The following ELF2 variants were observed in gnomAD, a reference collection of about 807,000 sequenced individuals.
ELF2 encodes the protein ETS-related transcription factor Elf-2.
A neutral mutation model predicts 54.8 loss-of-function variants in ELF2; 11 were observed. The ratio of observed to expected loss-of-function variants is 0.20; its 90% CI spans 0.13 to 0.33. ELF2 has a LOEUF of 0.33. ELF2 is among the 10% of genes least tolerant of loss of function. The pLI is 1.00. For missense variants in ELF2, 513 were observed against 703.0 expected (o/e 0.73, Z 3.06); for synonymous variants, 203 against 245.1 (o/e 0.83, Z 1.61).
chr4:139,104,733 A>G (rs1173799992), intron 4 of ELF2, among the ~76,000 whole-genome samples: 1 of 152,202 alleles, frequency 6.6e-6, no homozygotes. Flanking sequence ...AAAATTAAAA[A>G]TAATGAGATT....
chr4:139,060,427 C>T lies in ELF2; in HGVS notation c.1054G>A (p.Glu352Lys). 1.9e-6 allele frequency: 3 copies of T among 1,614,228 alleles called. No homozygotes were observed. The South Asian group carries it at 3.3e-5, about 18-fold the overall frequency. The change falls in exon 9 of 10, where the codon GAG (glutamate) becomes AAG (lysine). Residue 352 changes from glutamate (E) to lysine (K), a missense_variant. By Grantham distance (56) the Glu-to-Lys change is moderately conservative. This residue lies in a region of ELF2 where 291 missense variants were observed against 366.1 expected (regional missense o/e 0.79). Coordinates refer to ENST00000686138, the MANE Select transcript of ELF2 (RefSeq NM_001331036.3). ...NSSPINCSRA[E>K]KGVARVVNIT... The stretch of plus-strand genomic sequence containing the variant: ...TTCACAACTCTAGCTACACCCTTCT[C>T]TGCTCTGGAGCAGTTTATAGGGGAT...
At chr4:139,060,195 G>A in intron 9 of ELF2, 129 bp downstream of exon 9, 1 of 802,798 alleles carries the variant, frequency 1.2e-6, no homozygotes, top group Non-Finnish European at 1.9e-6. Flanking sequence ...AAAACATCAA[G>A]CACTTTTCAA....
chr4:139,139,041 T>C (rs1738456987), intron 2 of ELF2, among the ~76,000 whole-genome samples: 1 of 152,184 alleles, frequency 6.6e-6, no homozygotes, highest in Admixed American at 6.5e-5. Flanking sequence ...ACAGAATTTT[T>C]TCATGTCAAA....
At chr4:139,137,608 T>A in intron 3 of ELF2, 22 bp downstream of exon 3, 1 of 1,606,216 alleles carries the variant, frequency 6.2e-7, no homozygotes, top group Non-Finnish European at 8.5e-7. Flanking sequence ...AAAATAGAAA[T>A]GTAATTCATT....
At chr4:139,151,609 C>T (rs1740007068) in intron 1 of ELF2, among the ~76,000 whole-genome samples, 1 of 152,164 alleles carries the variant, frequency 6.6e-6, no homozygotes, top group Non-Finnish European at 1.5e-5. Flanking sequence ...AAATAGGCAA[C>T]TGCCATCCTT....
chr4:139,177,049 G>A lies in ELF2; in HGVS notation c.-334C>T, dbSNP rs1743030301. 6.6e-6 allele frequency: 1 copy of A among 152,296 alleles called. No homozygotes were observed. Among genetic ancestry groups the A allele is most frequent in the Admixed American group, 6.5e-5 (1 of 15,282 alleles). 9.4% of individuals were successfully genotyped at this position (152,296 alleles called of 1,614,324 possible). A position where few individuals can be genotyped will look rare whatever the true frequency, so the allele number is the denominator to read the frequency against. On this transcript the variant is annotated 5_prime_UTR_variant, in exon 1 of 10. Transcript: ENST00000686138. Reference sequence around the variant, plus strand: ...CGGACTAGCCGCCGCCGTTGGCCGAGCGTCCGGAGGGAGCCGGGGCCTCCC... The same window carrying A: ...CGGACTAGCCGCCGCCGTTGGCCGAACGTCCGGAGGGAGCCGGGGCCTCCC...
At chr4:139,072,361 C>T (rs1433536835) in intron 5 of ELF2, 1 of 228,220 alleles carries the variant, frequency 4.4e-6, no homozygotes. Flanking sequence ...GTTGTGAAAA[C>T]ATTTGAAAAT....
At position 139,058,436 on chromosome 4, in the gene ELF2, C is replaced by G. The variant is rs1016954863; in HGVS notation, c.*547G>C. On this transcript the variant is annotated 3_prime_UTR_variant, in exon 10 of 10. Coordinates refer to ENST00000686138, the MANE Select transcript of ELF2 (RefSeq NM_001331036.3). Reference sequence around the variant, plus strand: ...ATATATATATATATATATATAAAATCGCACTAGATCTTTTTTTGCTATCCT... The same window carrying G: ...ATATATATATATATATATATAAAATGGCACTAGATCTTTTTTTGCTATCCT... The G allele has an allele frequency of 8.9e-5, 13 of 145,828 alleles. No individual in the cohort carries two copies. The highest frequency in any genetic ancestry group is 3.1e-4 in the African/African-American group (12 of 38,496). The allele number at this position is 145,828 out of a possible 1,614,324, so 9.0% of individuals were successfully genotyped here.
intron 4 of ELF2, among the ~76,000 whole-genome samples, chr4:139,115,927 C>T (rs1735660881): frequency 6.6e-6 from 1 of 152,118 alleles, no homozygotes; most frequent in African/African-American, 2.4e-5. Context: ...CTGCAACCTC[C>T]ACCTCCTGGG....
At chr4:139,148,188 A>AT (rs1381378222) in intron 1 of ELF2, among the ~76,000 whole-genome samples, 4 of 150,392 alleles carry the variant, frequency 2.7e-5, no homozygotes, top group Admixed American at 6.6e-5. Context: ...ATAATATGTG[A>AT]TTTTTTTGGG....
At chr4:139,148,596 T>G (rs910346884) in intron 1 of ELF2, among the ~76,000 whole-genome samples, 1 of 152,258 alleles carries the variant, frequency 6.6e-6, no homozygotes, top group African/African-American at 2.4e-5. Flanking sequence ...TAATATCCTA[T>G]TGTATAGACA....
chr4:139,171,652 G>A (rs1662645134), intron 1 of ELF2, among the ~76,000 whole-genome samples: 1 of 151,776 alleles, frequency 6.6e-6, no homozygotes, highest in Non-Finnish European at 1.5e-5. Context: ...GGCCGGGCAT[G>A]GTGGCTCACG....
intron 1 of ELF2, among the ~76,000 whole-genome samples, chr4:139,159,764 C>T (rs1578959542): frequency 6.6e-6 from 1 of 152,312 alleles, no homozygotes. Flanking sequence ...CAGTGAATGA[C>T]TCCAGCTTCC....
intron 1 of ELF2, among the ~76,000 whole-genome samples, chr4:139,173,453 T>C (rs1425898888): frequency 6.6e-6 from 1 of 151,996 alleles, no homozygotes; most frequent in Non-Finnish European, 1.5e-5. Context: ...AGAATATTAC[T>C]CATCAATAAA....
intron 1 of ELF2, among the ~76,000 whole-genome samples, chr4:139,167,121 A>G (rs1378220424): frequency 6.6e-6 from 1 of 152,182 alleles, no homozygotes; most frequent in Non-Finnish European, 1.5e-5. Context: ...ACTATTCATG[A>G]GTATTCTTAT....
rs576206691 is a variant in ELF2 at position 139,089,304 on chromosome 4, G to A, written c.239-15737C>T. 1.9e-4 allele frequency among the ~76,000 whole-genome samples: 29 copies of A among 152,080 alleles called. 1 individual carries two copies. Among genetic ancestry groups the A allele is most frequent in the African/African-American group, 6.0e-4 (25 of 41,452 alleles). On this transcript the variant is annotated intron_variant, in intron 4 of 9. Transcript: ENST00000686138. ...TAAGAACCCATCTCACACATTTTTA[G>A]GGGGATTTAAACCACACAGGAATTG...
rs146533272 is a variant in ELF2 at position 139,090,347 on chromosome 4, A to C, written c.239-16780T>G. On this transcript the variant is annotated intron_variant, in intron 4 of 9. Coordinates refer to ENST00000686138, the MANE Select transcript of ELF2 (RefSeq NM_001331036.3). The stretch of plus-strand genomic sequence containing the variant: ...ATTCAAGATATAAGCTGACTTTTTA[A>C]ATTTCTGCCATGTGTTGAGTAACAA... Among the ~76,000 whole-genome samples the C allele has an allele frequency of 5.0e-3, 758 of 152,206 alleles. 8 individuals carry two copies. Among genetic ancestry groups the C allele is most frequent in the African/African-American group, 0.017 (717 of 41,530 alleles).
rs529937552 is a variant in ELF2, at chr4:139,074,682, C to G, written c.239-1115G>C. Among the ~76,000 whole-genome samples, 24 of 151,714 alleles carry G rather than the reference C, an allele frequency of 1.6e-4. No individual in the cohort carries two copies. The East Asian group carries it at 4.5e-3, about 28-fold the overall frequency. The stretch of plus-strand genomic sequence containing the variant: ...GGCTGAGGCAGGAGAATCGCTTGAA[C>G]CTGGGAGGCGGAGGTTGCAGTGAGC... On this transcript the variant is annotated intron_variant, in intron 4 of 9. Coordinates refer to ENST00000686138, the MANE Select transcript of ELF2 (RefSeq NM_001331036.3).
chr4:139,128,350 A>C (rs1314762481), intron 3 of ELF2, among the ~76,000 whole-genome samples: 1 of 152,170 alleles, frequency 6.6e-6, no homozygotes. Flanking sequence ...CTGAAGTTAA[A>C]AGGCAACAAG....
Sources: allele counts gnomAD v4.1 joint callset (sites outside exome capture counted in the v4.1 genomes callset), GRCh38; gene constraint gnomAD v4.1.1; regional missense constraint gnomAD v4.1.1; transcripts MANE v1.5; gene names NCBI Gene and HGNC (gene_info 2026-07-23, HGNC 2026-07-21).